MS4A2: variants seen among roughly 807,000 people sequenced by gnomAD.
MS4A2 encodes membrane spanning 4-domains A2.
Under a neutral mutation model 27.9 loss-of-function variants are expected in MS4A2, and 26 were observed. The observed-to-expected ratio is 0.93, with a 90% CI of 0.68 to 1.29. MS4A2 has a LOEUF of 1.29. MS4A2 is among the 50% of genes most tolerant of loss of function. The pLI, the probability that MS4A2 is intolerant of heterozygous loss-of-function variation, is 0.00. For missense variants in MS4A2, 284 were observed against 284.6 expected (o/e 1.00, Z 0.01); for synonymous variants, 110 against 98.8 (o/e 1.11, Z -0.67).
intron 1 of MS4A2, 24 bp from the exon 2 acceptor site, chr11:60,089,668 C>A: frequency 2.5e-6 from 4 of 1,614,020 alleles, no homozygotes; most frequent in Non-Finnish European, 3.4e-6. Context: ...GTTCTCATGA[C>A]TGAATTGCTT....
At chr11:60,092,738 A>G (rs1363163268) in intron 3 of MS4A2, 54 bp from the exon 4 acceptor site, 7 of 1,511,968 alleles carry the variant, frequency 4.6e-6, no homozygotes, top group South Asian at 1.1e-5. Context: ...GTTAAAAAGG[A>G]CACATTGAAA....
rs550582708 is a variant in MS4A2, at chr11:60,089,772, C to T, written c.137C>T (p.Pro46Leu). The change falls in exon 2 of 7, where the codon CCA (proline) becomes CTA (leucine). Residue 46 changes from proline (P) to leucine (L), a missense_variant. Physicochemically the swap from Pro to Leu is moderately conservative, Grantham distance 98 (BLOSUM62 -3). Coordinates refer to ENST00000278888, the MANE Select transcript of MS4A2 (RefSeq NM_000139.5). The part of the protein sequence containing the change: ...GRLLKSASSP[P>L]LHTWLTVLKK... ...CTATTGAAGTCGGCCTCATCCCCAC[C>T]ACTGCATACATGGCTGACAGTTTTG... is the stretch of plus-strand genomic sequence containing the variant. The T allele has an allele frequency of 1.2e-6, 2 of 1,614,138 alleles. No individual in the cohort carries two copies. Among genetic ancestry groups the T allele is most frequent in the African/African-American group, 2.7e-5 (2 of 75,030 alleles).
chr11:60,095,535 T>A (rs769007156), intron 6 of MS4A2, 23 bp from the exon 7 acceptor site: 3 of 1,460,496 alleles, frequency 2.1e-6, no homozygotes, highest in Non-Finnish European at 2.9e-6. Flanking sequence ...GTGATTGATA[T>A]GAAATGATTT....
chr11:60,092,289 A>G (rs1404838757), intron 3 of MS4A2, among the ~76,000 whole-genome samples: 2 of 149,754 alleles, frequency 1.3e-5, no homozygotes, highest in Non-Finnish European at 2.9e-5. Flanking sequence ...CATATGATTC[A>G]TATACACTTT....
intron 6 of MS4A2, among the ~76,000 whole-genome samples, chr11:60,094,923 G>T (rs536880273): frequency 6.6e-6 from 1 of 152,334 alleles, no homozygotes; most frequent in East Asian, 1.9e-4. Flanking sequence ...GCTGAAGCAG[G>T]AGAATCGCTT....
At chr11:60,089,863 G>A (rs1229708169) in intron 2 of MS4A2, 42 bp downstream of exon 2, 9 of 1,610,980 alleles carry the variant, frequency 5.6e-6, no homozygotes, top group Non-Finnish European at 7.6e-6. Flanking sequence ...TAAGGGTTGG[G>A]TCTAGAAAAG....
In MS4A2 at chr11:60,093,568, T is replaced by C. The variant is rs781672734; in HGVS notation, c.537+10T>C. On this transcript the variant is annotated intron_variant, in intron 5 of 6. Transcript: ENST00000278888. ...GGCTTCCTTTTCCACTGTATGTATTTTTTTTTGTGTGGGAAGACTAAGATT... is the reference window on the plus strand; with the variant it reads ...GGCTTCCTTTTCCACTGTATGTATTCTTTTTTGTGTGGGAAGACTAAGATT... 4.3e-6 allele frequency: 7 copies of C among 1,614,212 alleles called. No individual in the cohort carries two copies. The highest frequency in any genetic ancestry group is 3.4e-6 in the Non-Finnish European group (4 of 1,180,026).
intron 6 of MS4A2, among the ~76,000 whole-genome samples, chr11:60,095,018 T>C (rs763963043): frequency 3.3e-5 from 5 of 150,964 alleles, no homozygotes; most frequent in Admixed American, 3.3e-4. Context: ...TCCCAGCACA[T>C]TGGGAGGCCA....
intron 3 of MS4A2, 142 bp downstream of exon 3, chr11:60,090,612 A>T: frequency 5.3e-5 from 39 of 734,702 alleles, no homozygotes; most frequent in Middle Eastern, 4.0e-4. Flanking sequence ...CATATATAAC[A>T]TAGATATGCT....
intron 1 of MS4A2, 99 bp downstream of exon 1, chr11:60,088,920 A>C (rs1413435736): frequency 8.4e-6 from 10 of 1,195,068 alleles, no homozygotes; most frequent in Non-Finnish European, 1.2e-5. Context: ...TGATTTAGGC[A>C]TGGATCCATC....
At chr11:60,093,876 A>G in intron 5 of MS4A2, 88 bp from the exon 6 acceptor site, 1 of 947,970 alleles carries the variant, frequency 1.1e-6, no homozygotes, top group Non-Finnish European at 1.7e-6. Flanking sequence ...TGGTAGGGAG[A>G]TGAAAACAGG....
chr11:60,093,750 G>A, intron 5 of MS4A2, 192 bp downstream of exon 5: 2 of 883,608 alleles, frequency 2.3e-6, no homozygotes, highest in Non-Finnish European at 1.8e-6. Context: ...ATTCCTCGGG[G>A]TTAAAGTTAT....
intron 1 of MS4A2, 98 bp downstream of exon 1, chr11:60,088,919 C>T: frequency 8.4e-7 from 1 of 1,194,086 alleles, no homozygotes; most frequent in Non-Finnish European, 1.2e-6. Flanking sequence ...TTGATTTAGG[C>T]ATGGATCCAT....
upstream of MS4A2, chr11:60,088,287 C>A (rs1855685177): frequency 1.1e-5 from 2 of 183,472 alleles, no homozygotes; most frequent in Non-Finnish European, 2.3e-5. Context: ...TGTGTGAAAC[C>A]AAGCATGCCT....
Position 60,092,841 on chromosome 11 carries a change from C to T in MS4A2, c.371C>T (p.Thr124Ile). The T allele has an allele frequency of 6.2e-7, 1 of 1,613,654 alleles. No individual in the cohort carries two copies. Among genetic ancestry groups the T allele is most frequent in the Non-Finnish European group, 8.5e-7 (1 of 1,179,742 alleles). The part of the protein sequence containing the change: ...LSIISERRNA[T>I]YLVRGSLGAN... ...ATTATATCTGAAAGGAGAAATGCAACATATCTGGTGAGTTGCCCGTTTCTG... is the reference window on the plus strand; with the variant it reads ...ATTATATCTGAAAGGAGAAATGCAATATATCTGGTGAGTTGCCCGTTTCTG... The change falls in exon 4 of 7, where the codon ACA becomes ATA. Residue 124 changes from threonine (T) to isoleucine (I), a missense_variant. By Grantham distance (89) the Thr-to-Ile change is moderately conservative (BLOSUM62 -1). Coordinates refer to ENST00000278888, the MANE Select transcript of MS4A2 (RefSeq NM_000139.5).
chr11:60,093,550 T>C lies in MS4A2; in HGVS notation c.529T>C (p.Phe177Leu), dbSNP rs954625161. The change falls in exon 5 of 7, where the codon TTT (phenylalanine) becomes CTT (leucine). Residue 177 changes from phenylalanine (F) to leucine (L), a missense_variant. Coordinates refer to ENST00000278888, the MANE Select transcript of MS4A2 (RefSeq NM_000139.5). ...FFETKCFMAS[F>L]STEIVVMMLF... Reference sequence around the variant, plus strand: ...TGAGACCAAGTGCTTTATGGCTTCCTTTTCCACTGTATGTATTTTTTTTTG... The same window carrying C: ...TGAGACCAAGTGCTTTATGGCTTCCCTTTCCACTGTATGTATTTTTTTTTG... The C allele has an allele frequency of 6.2e-7, 1 of 1,614,188 alleles. No individual in the cohort carries two copies. Among genetic ancestry groups the C allele is most frequent in the Non-Finnish European group, 8.5e-7 (1 of 1,180,006 alleles).
rs765396901 is a variant in MS4A2, at chr11:60,088,833, GTAT to G, written c.56+17_56+19del. ...CAGGAGCCTTCCAGGTAGGTACAAG[GTAT>G]TATTTTTTTCTACCCTCAGTCACTT... On this transcript the variant is annotated intron_variant, in intron 1 of 6. Transcript: ENST00000278888. 1.2e-6 allele frequency: 2 copies of G among 1,606,328 alleles called. No homozygotes were observed. The highest frequency in any genetic ancestry group is 2.2e-5 in the South Asian group (2 of 89,908).
chr11:60,094,275 G>T (rs1435367475), intron 6 of MS4A2, among the ~76,000 whole-genome samples: 1 of 152,158 alleles, frequency 6.6e-6, no homozygotes, highest in Non-Finnish European at 1.5e-5. Context: ...AATGAGGGTT[G>T]GGATAATAGG....
intron 3 of MS4A2, among the ~76,000 whole-genome samples, chr11:60,091,138 C>T (rs1007776910): frequency 2.0e-5 from 3 of 151,832 alleles, no homozygotes; most frequent in Non-Finnish European, 2.9e-5. Flanking sequence ...GCAATAAGAG[C>T]GAAACTCTGT....
Sources: allele counts gnomAD v4.1 joint callset (sites outside exome capture counted in the v4.1 genomes callset), GRCh38; gene constraint gnomAD v4.1.1; transcripts MANE v1.5; gene names NCBI Gene and HGNC (gene_info 2026-07-23, HGNC 2026-07-21).